Variants in CENPC observed in about 807,000 individuals in gnomAD.
CENPC encodes the protein centromere protein C, also known as CENP-C 1.
A neutral mutation model predicts 112.1 loss-of-function variants in CENPC; 63 were observed. The observed-to-expected ratio is 0.56, with a 90% CI of 0.46 to 0.69. CENPC has a LOEUF of 0.69. CENPC is among the 30% of genes least tolerant of loss of function. The pLI is 0.00. For synonymous variants in CENPC, 333 were observed against 367.6 expected (o/e 0.91, Z 1.08); for missense variants, 1,000 against 1,103.8 (o/e 0.91, Z 1.33).
intron 11 of CENPC, among the ~76,000 whole-genome samples, chr4:67,506,547 G>T (rs186192844): frequency 1.4e-4 from 21 of 152,154 alleles, no homozygotes; most frequent in Admixed American, 1.3e-3. Flanking sequence ...TTTTATAGGT[G>T]GATTCTCCAG....
chr4:67,504,834 A>C (rs1185158336), intron 12 of CENPC, among the ~76,000 whole-genome samples: 2 of 152,188 alleles, frequency 1.3e-5, no homozygotes, highest in Admixed American at 1.3e-4. Context: ...ACAAAAAAAA[A>C]AAGGAAATTT....
intron 3 of CENPC, among the ~76,000 whole-genome samples, chr4:67,540,552 C>A (rs1385660817): frequency 6.6e-6 from 1 of 152,114 alleles, no homozygotes; most frequent in Non-Finnish European, 1.5e-5. Context: ...CACCTGTAAT[C>A]CCAGCTACTT....
chr4:67,524,930 T>C (rs1726330894), intron 5 of CENPC, among the ~76,000 whole-genome samples: 1 of 152,178 alleles, frequency 6.6e-6, no homozygotes, highest in East Asian at 1.9e-4. Flanking sequence ...CAAACTATAC[T>C]ATAAGGCTAC....
At chr4:67,502,889 A>G in intron 12 of CENPC, among the ~76,000 whole-genome samples, 1 of 152,066 alleles carries the variant, frequency 6.6e-6, no homozygotes. Context: ...AAAATACCTA[A>G]AAATCCTCCT....
Position 67,525,036 on chromosome 4 carries a change from G to A in CENPC, c.332-5534C>T, listed in dbSNP as rs190680860. On this transcript the variant is annotated intron_variant, in intron 5 of 18. Transcript: ENST00000273853. ...GAAATAACACCACACATCTACAACC[G>A]TTTGCTCTTCGACAAACCTGACAAA... Among the ~76,000 whole-genome samples the A allele has an allele frequency of 1.6e-4, 24 of 152,080 alleles. No homozygotes were observed. The East Asian group carries it at 3.3e-3, about 21-fold the overall frequency.
At chr4:67,491,255 T>C (rs1266785829) in intron 16 of CENPC, among the ~76,000 whole-genome samples, 1 of 149,030 alleles carries the variant, frequency 6.7e-6, no homozygotes, top group Non-Finnish European at 1.5e-5. Context: ...CTCACTGCAA[T>C]CTCCACCTCC....
In CENPC at chr4:67,508,858, A is replaced by T. The variant is rs1488827446; in HGVS notation, c.1860T>A (p.Ser620Arg). ...SRCSLSEPLE[S>R]DEADLAKKKN... ...TCTTCTTAGCCAAGTCTGCCTCATC[A>T]CTTTCCAATGGCTCACTCAGCGAAC... Residue 620 changes from serine (S) to arginine (R), a missense_variant, in exon 10 of 19, where the codon AGT (serine) becomes AGA (arginine). Transcript: ENST00000273853. The T allele has an allele frequency of 3.1e-6, 5 of 1,613,508 alleles. No homozygotes were observed. The African/African-American group carries it at 4.0e-5, about 13-fold the overall frequency.
intron 18 of CENPC, among the ~76,000 whole-genome samples, chr4:67,473,351 G>A (rs1273522848): frequency 1.3e-5 from 2 of 152,138 alleles, no homozygotes; most frequent in South Asian, 2.1e-4. Flanking sequence ...TTAGAATTGA[G>A]TACTATCACT....
intron 18 of CENPC, among the ~76,000 whole-genome samples, chr4:67,473,797 A>G (rs955564651): frequency 7.2e-5 from 11 of 152,062 alleles, no homozygotes; most frequent in Non-Finnish European, 1.3e-4. Context: ...AGCCCTCCTC[A>G]GCCTCTCAAA....
chr4:67,514,103 C>T lies in CENPC; in HGVS notation c.1415G>A (p.Cys472Tyr), dbSNP rs1328261053. The change falls in exon 8 of 19, where the codon TGT (cysteine) becomes TAT (tyrosine). Residue 472 changes from cysteine (C) to tyrosine (Y), a missense_variant. Physicochemically the swap from Cys to Tyr is radical, Grantham distance 194. Transcript: ENST00000273853. ...MEEHEEMGNDCVSKKQMPPVG... is the reference protein window; with the variant it reads ...MEEHEEMGNDYVSKKQMPPVG... Reference sequence around the variant, plus strand: ...AGGTGGCATCTGTTTTTTGGAAACACAATCATTTCCCATCTCTTCATGCTC... The same window carrying T: ...AGGTGGCATCTGTTTTTTGGAAACATAATCATTTCCCATCTCTTCATGCTC... 1 of 1,599,252 alleles carries T rather than the reference C, an allele frequency of 6.3e-7. No homozygotes were observed. The highest frequency in any genetic ancestry group is 8.5e-7 in the Non-Finnish European group (1 of 1,174,810).
At chr4:67,506,628 A>C (rs1560430154) in intron 11 of CENPC, among the ~76,000 whole-genome samples, 160 bp downstream of exon 11, 1 of 152,190 alleles carries the variant, frequency 6.6e-6, no homozygotes, top group Non-Finnish European at 1.5e-5. Flanking sequence ...CCGAGCCAAA[A>C]CTAGCTAGCT....
intron 2 of CENPC, among the ~76,000 whole-genome samples, chr4:67,543,330 T>C (rs1726940183): frequency 6.6e-6 from 1 of 152,186 alleles, no homozygotes; most frequent in Non-Finnish European, 1.5e-5. Context: ...GTCTGGAATA[T>C]ACTTTATCTT....
intron 9 of CENPC, 61 bp from the exon 10 acceptor site, chr4:67,509,166 A>G (rs549008898): frequency 1.8e-4 from 209 of 1,146,944 alleles, no homozygotes; most frequent in Non-Finnish European, 2.5e-4. Flanking sequence ...GGCTCACTGA[A>G]ATACCAACAG....
chr4:67,486,989 T>C (rs1725113859), intron 17 of CENPC, among the ~76,000 whole-genome samples: 1 of 138,676 alleles, frequency 7.2e-6, no homozygotes, highest in East Asian at 2.3e-4. Flanking sequence ...TTTTTTTCTT[T>C]TTTAAGGCAT....
At chr4:67,544,278 T>C (rs1266636321) in intron 1 of CENPC, 83 bp from the exon 2 acceptor site, 4 of 755,820 alleles carry the variant, frequency 5.3e-6, no homozygotes, top group Non-Finnish European at 9.4e-6. Context: ...TCATCCAGTA[T>C]GGGCATGCTA....
chr4:67,514,557 G>A lies in CENPC; in HGVS notation c.961C>T (p.Pro321Ser). The stretch of plus-strand genomic sequence containing the variant: ...TGTTTCAGAGACCCTGCCTTTCTTG[G>A]TATTGTAATCCAAGATCTACTGGCA... ...SFASRSWITI[P>S]RKAGSLKQRT... Residue 321 changes from proline to serine, a missense_variant, in exon 8 of 19, where the codon CCA (proline) becomes TCA (serine). Pro to Ser is a moderately conservative substitution (Grantham distance 74, BLOSUM62 -1). Transcript: ENST00000273853. The A allele has an allele frequency of 1.2e-6, 2 of 1,611,578 alleles. No individual in the cohort carries two copies. Among genetic ancestry groups the A allele is most frequent in the Non-Finnish European group, 1.7e-6 (2 of 1,178,848 alleles).
chr4:67,484,913 G>A (rs879819810), intron 17 of CENPC, among the ~76,000 whole-genome samples: 7 of 152,116 alleles, frequency 4.6e-5, no homozygotes, highest in Non-Finnish European at 8.8e-5. Flanking sequence ...CTAACACAGT[G>A]AAACCCCATC....
At chr4:67,512,660 G>T in intron 8 of CENPC, 91 bp from the exon 9 acceptor site, 2 of 888,432 alleles carry the variant, frequency 2.3e-6, no homozygotes, top group Non-Finnish European at 3.2e-6. Flanking sequence ...TCAATTACAG[G>T]AACTTCTTAA....
intron 7 of CENPC, among the ~76,000 whole-genome samples, chr4:67,516,048 A>G (rs552458526): frequency 1.3e-5 from 2 of 152,036 alleles, no homozygotes; most frequent in Non-Finnish European, 2.9e-5. Context: ...TTCAACTACA[A>G]TCTTATGGCT....
Sources: allele counts gnomAD v4.1 joint callset (sites outside exome capture counted in the v4.1 genomes callset), GRCh38; gene constraint gnomAD v4.1.1; transcripts MANE v1.5; gene names NCBI Gene and HGNC (gene_info 2026-07-23, HGNC 2026-07-21).